CAPZB: variants seen among roughly 807,000 people sequenced by gnomAD.
CAPZB encodes F-actin-capping protein subunit beta.
CAPZB carries 2 observed loss-of-function variants against 38.1 expected under a neutral mutation model. The ratio of observed to expected loss-of-function variants is 0.05; its 90% CI spans 0.02 to 0.17. The LOEUF (loss-of-function observed/expected upper bound fraction) is 0.17. CAPZB is among the 10% of genes least tolerant of loss of function. The probability of loss-of-function intolerance (pLI) is 1.00; values close to 1 mark genes in which losing one functional copy is unlikely to be tolerated. For synonymous variants in CAPZB, 107 were observed against 127.4 expected (o/e 0.84, Z 1.08); for missense variants, 161 against 334.2 (o/e 0.48, Z 4.04).
Position 19,345,204 on chromosome 1 carries a change from T to C in CAPZB, c.637A>G (p.Ile213Val), listed in dbSNP as rs775574370. The change falls in exon 7 of 9, where the codon ATC becomes GTC. Residue 213 changes from isoleucine (I) to valine (V), a missense_variant. Transcript: ENST00000264202. The stretch of plus-strand genomic sequence containing the variant: ...TCACTCACCTCTACCAGGCGCCCGA[T>C]GTTGGCTATGTGTGGGGAGCAGTCA... ...VSDCSPHIANIGRLVEDMENK... is the reference protein window; with the variant it reads ...VSDCSPHIANVGRLVEDMENK... 3.1e-6 allele frequency: 5 copies of C among 1,614,030 alleles called. No homozygotes were observed. Among genetic ancestry groups the C allele is most frequent in the Non-Finnish European group, 3.4e-6 (4 of 1,179,946 alleles).
At chr1:19,350,004 G>A (rs1417857987) in intron 6 of CAPZB, among the ~76,000 whole-genome samples, 1 of 152,224 alleles carries the variant, frequency 6.6e-6, no homozygotes, top group African/African-American at 2.4e-5. Flanking sequence ...ATGTGTTGTG[G>A]CTGCAGATGT....
chr1:19,342,830 T>G (rs1417535407), intron 8 of CAPZB: 4 of 1,611,584 alleles, frequency 2.5e-6, no homozygotes, highest in Admixed American at 3.3e-5. Flanking sequence ...TGCAACTGCT[T>G]AAACTTTTGG....
chr1:19,397,829 A>AGGG (rs34032610), intron 2 of CAPZB, among the ~76,000 whole-genome samples: 1 of 151,890 alleles, frequency 6.6e-6, no homozygotes, highest in Non-Finnish European at 1.5e-5. Context: ...ATAAGAATGC[A>AGGG]GGGGGAAGCC....
intron 4 of CAPZB, chr1:19,374,305 C>T (rs898423923): frequency 1.3e-5 from 2 of 152,296 alleles, no homozygotes; most frequent in South Asian, 4.1e-4. Context: ...CTGGCTGCAG[C>T]ACAGTGTCCC....
At chr1:19,350,598 T>TA (rs2093986411) in intron 6 of CAPZB, among the ~76,000 whole-genome samples, 2 of 125,624 alleles carry the variant, frequency 1.6e-5, no homozygotes, top group African/African-American at 3.3e-5. Context: ...GCAAGATATA[T>TA]GGTAGTAGCA....
At chr1:19,346,910 G>C (rs1425226373) in intron 6 of CAPZB, among the ~76,000 whole-genome samples, 1 of 143,042 alleles carries the variant, frequency 7.0e-6, no homozygotes. Flanking sequence ...TGCAACCTCT[G>C]CCTCCTGGGT....
intron 2 of CAPZB, among the ~76,000 whole-genome samples, chr1:19,398,308 T>C (rs1251213185): frequency 6.8e-6 from 1 of 148,084 alleles, no homozygotes; most frequent in Non-Finnish European, 1.5e-5. Flanking sequence ...TGATAGCCCC[T>C]TGGGAGGCGA....
At chr1:19,440,499 G>T (rs758785683) in intron 1 of CAPZB, among the ~76,000 whole-genome samples, 1 of 152,132 alleles carries the variant, frequency 6.6e-6, no homozygotes, top group Non-Finnish European at 1.5e-5. Context: ...CCGTGAAAAG[G>T]TGAACTCCAG....
intron 4 of CAPZB, among the ~76,000 whole-genome samples, chr1:19,368,105 TA>T (rs1409421727): frequency 6.6e-6 from 1 of 152,138 alleles, no homozygotes; most frequent in South Asian, 2.1e-4. Context: ...TTTTTACAGT[TA>T]AGAAAACTGT....
At chr1:19,454,975 TGA>T (rs2094528393) in intron 1 of CAPZB, among the ~76,000 whole-genome samples, 1 of 152,076 alleles carries the variant, frequency 6.6e-6, no homozygotes, top group South Asian at 2.1e-4. Flanking sequence ...GCTGAGTGGG[TGA>T]GTTACAGCTG....
At chr1:19,415,335 T>C (rs1439284806) in intron 2 of CAPZB, among the ~76,000 whole-genome samples, 1 of 152,236 alleles carries the variant, frequency 6.6e-6, no homozygotes, top group Non-Finnish European at 1.5e-5. Context: ...GATCCCAGAT[T>C]ACACGAGACA....
intron 4 of CAPZB, among the ~76,000 whole-genome samples, chr1:19,365,026 T>C (rs2100354855): frequency 6.6e-6 from 1 of 152,242 alleles, no homozygotes; most frequent in Middle Eastern, 3.4e-3. Flanking sequence ...TTAAATTTTT[T>C]TGTAGAGACA....
chr1:19,448,815 G>A (rs2094504747), intron 1 of CAPZB: 1 of 1,612,594 alleles, frequency 6.2e-7, no homozygotes, highest in African/African-American at 1.3e-5. Flanking sequence ...TCCCCCCTCA[G>A]ATCTAAAGTG....
intron 1 of CAPZB, among the ~76,000 whole-genome samples, chr1:19,439,599 A>T (rs760687991): frequency 6.6e-6 from 1 of 152,198 alleles, no homozygotes; most frequent in African/African-American, 2.4e-5. Flanking sequence ...CAGCACAGAG[A>T]GTCCTCTGTC....
At chr1:19,340,766 CT>C (rs1174440492) in intron 8 of CAPZB, among the ~76,000 whole-genome samples, 2 of 152,134 alleles carry the variant, frequency 1.3e-5, no homozygotes, top group African/African-American at 2.4e-5. Flanking sequence ...GAATGCCCCC[CT>C]AGCAATTCTT....
intron 4 of CAPZB, among the ~76,000 whole-genome samples, chr1:19,364,932 G>A (rs558415228): frequency 6.6e-6 from 1 of 151,316 alleles, no homozygotes; most frequent in South Asian, 2.1e-4. Flanking sequence ...TTGCAGCCTC[G>A]ACATTCTGGG....
chr1:19,349,955 C>T (rs944303541), intron 6 of CAPZB, among the ~76,000 whole-genome samples: 3 of 152,244 alleles, frequency 2.0e-5, no homozygotes, highest in Non-Finnish European at 4.4e-5. Flanking sequence ...TATATTATTA[C>T]ATCCTTATAA....
chr1:19,347,595 A>T (rs1434093928), intron 6 of CAPZB, among the ~76,000 whole-genome samples: 1 of 152,214 alleles, frequency 6.6e-6, no homozygotes, highest in Admixed American at 6.5e-5. Flanking sequence ...ACCCTGTAGC[A>T]GTCTCTGCCT....
At chr1:19,427,874 G>A (rs775020911) in intron 1 of CAPZB, among the ~76,000 whole-genome samples, 1 of 152,230 alleles carries the variant, frequency 6.6e-6, no homozygotes, top group Non-Finnish European at 1.5e-5. Flanking sequence ...TCATAGCCAA[G>A]TCAATGTCAT....
Sources: gnomAD v4.1 joint callset for allele counts (sites outside exome capture counted in the v4.1 genomes callset) on GRCh38, gnomAD v4.1.1 for gene constraint, MANE v1.5 for transcripts, NCBI Gene and HGNC (gene_info 2026-07-23, HGNC 2026-07-21) for gene names.